Variants in ITGA9 observed in about 807,000 individuals in gnomAD.
The protein encoded by ITGA9 is integrin alpha-9.
Under a neutral mutation model 127.8 loss-of-function variants are expected in ITGA9, and 56 were observed. The observed-to-expected ratio is 0.44, with a 90% confidence interval of 0.35 to 0.55. ITGA9 has a LOEUF of 0.55. Among genes scored for constraint, ITGA9 ranks in the 20% least tolerant of loss-of-function variants. The probability of loss-of-function intolerance (pLI) is 0.00; values close to 1 mark genes in which losing one functional copy is unlikely to be tolerated. For synonymous variants in ITGA9, 508 were observed against 514.5 expected, an observed-to-expected ratio of 0.99 and a Z score of 0.17; for missense variants, 1,196 against 1,347.1, an observed-to-expected ratio of 0.89 and a Z score of 1.76.
At chr3:37,742,362 G>A (rs1575216502) in intron 21 of ITGA9, among the ~76,000 whole-genome samples, 2 of 152,258 alleles carry the variant, frequency 1.3e-5, no homozygotes, top group East Asian at 3.9e-4. Context: ...GAATGGGCAG[G>A]GAACCATCCC....
At chr3:37,761,957 A>G (rs1696728066) in intron 23 of ITGA9, among the ~76,000 whole-genome samples, 1 of 152,264 alleles carries the variant, frequency 6.6e-6, no homozygotes, top group Non-Finnish European at 1.5e-5. Flanking sequence ...TGTAAAACTC[A>G]TGAATAATCC....
At chr3:37,601,273 G>T (rs1185705894) in intron 15 of ITGA9, among the ~76,000 whole-genome samples, 1 of 152,150 alleles carries the variant, frequency 6.6e-6, no homozygotes, top group African/African-American at 2.4e-5. Context: ...GAACAGAACA[G>T]CTCTTAAACC....
intron 23 of ITGA9, among the ~76,000 whole-genome samples, chr3:37,754,850 A>G (rs890885273): frequency 2.6e-5 from 4 of 152,262 alleles, no homozygotes; most frequent in African/African-American, 9.6e-5. Flanking sequence ...TGGGAACTTC[A>G]ATTAATTTAT....
chr3:37,780,856 A>T (rs1696968646), intron 25 of ITGA9, among the ~76,000 whole-genome samples: 1 of 152,040 alleles, frequency 6.6e-6, no homozygotes, highest in African/African-American at 2.4e-5. Context: ...GTTGTTGTTG[A>T]ACTGTTTAGT....
At chr3:37,552,092 A>G (rs1185823260) in intron 15 of ITGA9, among the ~76,000 whole-genome samples, 9 of 152,234 alleles carry the variant, frequency 5.9e-5, no homozygotes. Flanking sequence ...GCTGTGTGTC[A>G]CAATAAGATA....
Position 37,736,884 on chromosome 3 carries a change from A to G in ITGA9, c.2155-20A>G. 1 of 1,566,690 alleles carries G rather than the reference A, an allele frequency of 6.4e-7. No individual in the cohort carries two copies. On this transcript the variant is annotated intron_variant, in intron 19 of 27. Coordinates refer to ENST00000264741, the MANE Select transcript of ITGA9 (RefSeq NM_002207.3). The stretch of plus-strand genomic sequence containing the variant: ...TTTGGAATGCCTGCTGATGCCAAAT[A>G]CCACTTCCTTTTTCACTAGTATGAA...
At chr3:37,506,268 G>C (rs893689053) in intron 7 of ITGA9, among the ~76,000 whole-genome samples, 183 bp downstream of exon 7, 7 of 152,070 alleles carry the variant, frequency 4.6e-5, no homozygotes, top group Non-Finnish European at 2.9e-5. Flanking sequence ...AGCTCAATTA[G>C]AGTGTGAGTA....
rs1697023003 is a variant in ITGA9, at chr3:37,785,060, G to A, written c.2871G>A (p.Gly957=). ...TAAGGGTGGTGGAAATAGCTCATGG[G>A]AACCCAGAAGAGGTGACGGTGAGTC... ...PALRVVEIAH[G]NPEEVTVVFE... The change falls in exon 26 of 28, where the codon GGG becomes GGA. Residue 957 remains glycine (G), a synonymous_variant. Coordinates refer to ENST00000264741, the MANE Select transcript of ITGA9 (RefSeq NM_002207.3). 1 of 1,613,730 alleles carries A rather than the reference G, an allele frequency of 6.2e-7. No individual in the cohort carries two copies. The highest frequency in any genetic ancestry group is 1.1e-5 in the South Asian group (1 of 91,070).
intron 15 of ITGA9, among the ~76,000 whole-genome samples, chr3:37,627,806 TC>T (rs1367607767): frequency 6.6e-6 from 1 of 152,158 alleles, no homozygotes; most frequent in East Asian, 1.9e-4. Context: ...AAGAAGGTGT[TC>T]CTGACATAGA....
intron 15 of ITGA9, among the ~76,000 whole-genome samples, chr3:37,567,557 G>T (rs1164983203): frequency 6.6e-6 from 1 of 152,094 alleles, no homozygotes; most frequent in East Asian, 1.9e-4. Context: ...ATGAGACAAG[G>T]CAAGTCCCTT....
chr3:37,608,149 T>C (rs1231080835), intron 15 of ITGA9, among the ~76,000 whole-genome samples: 1 of 152,224 alleles, frequency 6.6e-6, no homozygotes, highest in Non-Finnish European at 1.5e-5. Flanking sequence ...GTGTACTCTT[T>C]ATGGCTATAT....
At chr3:37,584,314 G>C (rs553998094) in intron 15 of ITGA9, among the ~76,000 whole-genome samples, 4 of 152,176 alleles carry the variant, frequency 2.6e-5, no homozygotes, top group African/African-American at 9.7e-5. Context: ...CTCAGAACTG[G>C]CACTATCACT....
At chr3:37,639,680 T>C (rs924041987) in intron 16 of ITGA9, among the ~76,000 whole-genome samples, 2 of 152,036 alleles carry the variant, frequency 1.3e-5, no homozygotes, top group Non-Finnish European at 2.9e-5. Context: ...TCAGGGAGAT[T>C]GGTGTGCCTG....
chr3:37,572,359 C>T (rs941831323), intron 15 of ITGA9, among the ~76,000 whole-genome samples: 3 of 151,994 alleles, frequency 2.0e-5, no homozygotes, highest in South Asian at 2.1e-4. Flanking sequence ...GGAAAATGAC[C>T]GCAAGAAGGC....
At chr3:37,561,710 G>A (rs1462675280) in intron 15 of ITGA9, among the ~76,000 whole-genome samples, 3 of 152,264 alleles carry the variant, frequency 2.0e-5, no homozygotes, top group East Asian at 1.9e-4. Context: ...TTCAGCTGGC[G>A]TTTTAGTACA....
At position 37,671,546 on chromosome 3, in the gene ITGA9, C is replaced by T. The variant is rs1364534128; in HGVS notation, c.1917-12319C>T. The stretch of plus-strand genomic sequence containing the variant: ...GTTGCTAGGGAAACCACTATTTTGG[C>T]TCAGATCATCTTAGTAAATGCTTTT... On this transcript the variant is annotated intron_variant, in intron 17 of 27. Coordinates refer to ENST00000264741, the MANE Select transcript of ITGA9 (RefSeq NM_002207.3). 3.3e-5 allele frequency among the ~76,000 whole-genome samples: 5 copies of T among 152,290 alleles called. 1 individual carries two copies. Among genetic ancestry groups the T allele is most frequent in the East Asian group, 3.9e-4 (2 of 5,178 alleles).
At position 37,684,030 on chromosome 3, in the gene ITGA9, C is replaced by A; in HGVS notation, c.2067+15C>A. 2 of 1,611,140 alleles carry A rather than the reference C, an allele frequency of 1.2e-6. No homozygotes were observed. The highest frequency in any genetic ancestry group is 1.7e-6 in the Non-Finnish European group (2 of 1,178,202). On this transcript the variant is annotated intron_variant, in intron 18 of 27. Coordinates refer to ENST00000264741, the MANE Select transcript of ITGA9 (RefSeq NM_002207.3). The stretch of plus-strand genomic sequence containing the variant: ...TGTGGCAGAAGGTAAGGAGGGCATC[C>A]CTGTAAAAAGAGCAGTTGTTCCATC...
intron 16 of ITGA9, among the ~76,000 whole-genome samples, chr3:37,645,306 C>T (rs1044837023): frequency 1.3e-5 from 2 of 152,142 alleles, no homozygotes; most frequent in African/African-American, 4.8e-5. Flanking sequence ...CGGTGGCTCA[C>T]GCGTGTAATC....
chr3:37,750,333 A>T, intron 22 of ITGA9, 129 bp from the exon 23 acceptor site: 1 of 690,756 alleles, frequency 1.4e-6, no homozygotes, highest in Non-Finnish European at 2.6e-6. Context: ...TCAAGTTGTG[A>T]CCTTCCAGAT....
Sources: gnomAD v4.1 joint callset for allele counts (sites outside exome capture counted in the v4.1 genomes callset) on GRCh38, gnomAD v4.1.1 for gene constraint, MANE v1.5 for transcripts, NCBI Gene and HGNC (gene_info 2026-07-23, HGNC 2026-07-21) for gene names.